AFF2: variants seen among roughly 807,000 people sequenced by gnomAD.
AFF2 encodes ALF transcription elongation factor 2, also known as AF4/FMR2 family member 2.
AFF2 carries 14 observed loss-of-function variants against 76.9 expected under a neutral mutation model. That is an observed-to-expected ratio of 0.18 (90% CI 0.12 to 0.28). AFF2 has a LOEUF of 0.28. Among genes scored for constraint, AFF2 ranks in the 10% least tolerant of loss-of-function variants. AFF2 has a pLI of 1.00. For synonymous variants in AFF2, 398 were observed against 366.7 expected, an observed-to-expected ratio of 1.09 and a Z score of -0.98; for missense variants, 868 against 1,001.1, an observed-to-expected ratio of 0.87 and a Z score of 1.79.
intron 1 of AFF2, among the ~76,000 whole-genome samples, chrX:148,554,075 C>T (rs1294116279): frequency 8.9e-6 from 1 of 111,981 alleles, no homozygotes; most frequent in African/African-American, 3.2e-5. Flanking sequence ...GGCTGTGTCA[C>T]CTTGAGCCAA....
chrX:148,664,322 A>G (rs1437980583), intron 3 of AFF2, among the ~76,000 whole-genome samples: 2 of 111,884 alleles, frequency 1.8e-5, no homozygotes, highest in African/African-American at 6.5e-5. Flanking sequence ...TGCAGTTGAA[A>G]TCCCAGCCAT....
At chrX:148,529,904 G>A (rs150738110) in intron 1 of AFF2, among the ~76,000 whole-genome samples, 1,317 of 112,161 alleles carry the variant, frequency 0.012, 16 homozygotes, top group African/African-American at 0.041. Context: ...ATGATAAGCA[G>A]CAAGTGGGTA....
intron 3 of AFF2, among the ~76,000 whole-genome samples, chrX:148,681,177 GATA>G (rs1288650174): frequency 9.0e-6 from 1 of 111,380 alleles, no homozygotes; most frequent in Non-Finnish European, 1.9e-5. Context: ...GTAAAACAAG[GATA>G]ATAATACTTA....
At chrX:148,646,877 A>G (rs782246072) in intron 1 of AFF2, among the ~76,000 whole-genome samples, 5 of 112,009 alleles carry the variant, frequency 4.5e-5, no homozygotes, top group African/African-American at 6.5e-5. Context: ...TTTACTCTAT[A>G]TGTGTAAAAT....
chrX:148,684,804 A>G (rs2054584889), intron 3 of AFF2, among the ~76,000 whole-genome samples: 1 of 112,324 alleles, frequency 8.9e-6, no homozygotes, highest in African/African-American at 3.2e-5. Context: ...GCAGCTGCAC[A>G]TTGTCGTAGA....
intron 4 of AFF2, among the ~76,000 whole-genome samples, chrX:148,816,946 A>G (rs1363598082): frequency 1.8e-5 from 2 of 108,755 alleles, no homozygotes; most frequent in African/African-American, 6.7e-5. Context: ...AAAAAAAAAA[A>G]TACACAAAAA....
intron 1 of AFF2, among the ~76,000 whole-genome samples, chrX:148,578,866 T>G (rs1557243911): frequency 8.9e-6 from 1 of 111,822 alleles, no homozygotes; most frequent in East Asian, 2.8e-4. Context: ...CTCTAGACTT[T>G]TAGGCAAATG....
chrX:148,871,999 A>G (rs1460376657), intron 7 of AFF2, among the ~76,000 whole-genome samples: 2 of 111,508 alleles, frequency 1.8e-5, no homozygotes, highest in Admixed American at 9.5e-5. Context: ...GTACTTCGTT[A>G]TGCAGGACAG....
chrX:148,793,821 GT>G (rs1471111120), intron 3 of AFF2, among the ~76,000 whole-genome samples: 1 of 111,456 alleles, frequency 9.0e-6, no homozygotes, highest in Non-Finnish European at 1.9e-5. Context: ...GGGACAGAAG[GT>G]AGAAGGCTGG....
Position 148,623,496 on chromosome X carries a change from G to A in AFF2, c.48-28503G>A, listed in dbSNP as rs191397274. The stretch of plus-strand genomic sequence containing the variant: ...TAATGTTTGCAGAAACTGACTGAGA[G>A]AAGAACTTAAATATTGGAGGGTTTA... On this transcript the variant is annotated intron_variant, in intron 1 of 20. Transcript: ENST00000370460. Among the ~76,000 whole-genome samples the A allele has an allele frequency of 2.2e-3, 246 of 109,506 alleles. 1 individual carries two copies. The South Asian group carries it at 0.03, about 14-fold the overall frequency.
chrX:148,516,107 C>T (rs1351648217), intron 1 of AFF2, among the ~76,000 whole-genome samples: 1 of 111,253 alleles, frequency 9.0e-6, no homozygotes, highest in African/African-American at 3.3e-5. Flanking sequence ...CGTCAGCCCT[C>T]CCAAGGTCAA....
rs1480082174 is a variant in AFF2 at position 148,802,176 on chromosome X, A to G, written c.1042-7700A>G. Among the ~76,000 whole-genome samples, 5 of 112,510 alleles carry G rather than the reference A, an allele frequency of 4.4e-5. No individual in the cohort carries two copies. In the East Asian group the frequency reaches 1.1e-3, roughly 25 times the overall value. ...GACTACTACATATAGCAAAATACAT[A>G]AAATAGGAAAGAATAAAGCAGAGTG... On this transcript the variant is annotated intron_variant, in intron 3 of 20. Transcript: ENST00000370460.
chrX:148,616,274 G>C (rs1209679496), intron 1 of AFF2, among the ~76,000 whole-genome samples: 2 of 111,826 alleles, frequency 1.8e-5, no homozygotes, highest in African/African-American at 6.5e-5. Context: ...TCTTGGGAAA[G>C]TCATTGAACT....
intron 3 of AFF2, among the ~76,000 whole-genome samples, chrX:148,710,953 C>A (rs1338235596): frequency 1.8e-5 from 2 of 111,529 alleles, no homozygotes; most frequent in Non-Finnish European, 3.8e-5. Flanking sequence ...TACTGATCAC[C>A]ATTTTCATAT....
intron 13 of AFF2, among the ~76,000 whole-genome samples, chrX:148,964,885 A>G (rs142590281): frequency 0.01 from 1,154 of 112,934 alleles, 16 homozygotes; most frequent in African/African-American, 0.034. Context: ...AAATGAATGG[A>G]AGGCTTTTTG....
At chrX:148,775,104 G>A (rs1163734028) in intron 3 of AFF2, among the ~76,000 whole-genome samples, 1 of 111,682 alleles carries the variant, frequency 9.0e-6, no homozygotes, top group South Asian at 3.7e-4. Context: ...ATTTAGATAC[G>A]TTTGATAATC....
At chrX:148,668,193 T>C (rs1569552843) in intron 3 of AFF2, among the ~76,000 whole-genome samples, 3 of 113,339 alleles carry the variant, frequency 2.6e-5, no homozygotes, top group Non-Finnish European at 5.6e-5. Flanking sequence ...CAGGTCATGC[T>C]GATGCAAGAG....
intron 3 of AFF2, among the ~76,000 whole-genome samples, chrX:148,721,189 A>G (rs781925586): frequency 8.9e-6 from 1 of 112,287 alleles, no homozygotes; most frequent in South Asian, 3.7e-4. Flanking sequence ...GCAAAGGAAA[A>G]TATATGCACA....
At chrX:148,698,411 G>A (rs917678104) in intron 3 of AFF2, among the ~76,000 whole-genome samples, 3 of 112,410 alleles carry the variant, frequency 2.7e-5, no homozygotes, top group Non-Finnish European at 3.8e-5. Context: ...GTCAAGCGAC[G>A]CGTGACCTGC....
Sources: allele counts gnomAD v4.1 joint callset (sites outside exome capture counted in the v4.1 genomes callset), GRCh38; gene constraint gnomAD v4.1.1; transcripts MANE v1.5; gene names NCBI Gene and HGNC (gene_info 2026-07-23, HGNC 2026-07-21).